CENPP: variants seen among roughly 807,000 people sequenced by gnomAD.
CENPP encodes the protein centromere protein P.
In CENPP, 24 loss-of-function variants were observed where a neutral mutation model predicts 35.6. That is an observed-to-expected ratio of 0.67 (90% CI 0.49 to 0.95). CENPP has a LOEUF of 0.95. CENPP is among the 40% of genes least tolerant of loss of function. CENPP has a pLI of 0.00. For missense variants in CENPP, 332 were observed against 345.3 expected, an observed-to-expected ratio of 0.96 and a Z score of 0.31; for synonymous variants, 120 against 125.5, an observed-to-expected ratio of 0.96 and a Z score of 0.29.
At chr9:92,459,684 T>A in intron 5 of CENPP, 1 of 1,613,256 alleles carries the variant, frequency 6.2e-7, no homozygotes, top group Non-Finnish European at 8.5e-7. Context: ...TAGTTTATTG[T>A]TTTCCAAATG....
At chr9:92,358,099 T>G (rs1841641172) in intron 4 of CENPP, among the ~76,000 whole-genome samples, 1 of 152,100 alleles carries the variant, frequency 6.6e-6, no homozygotes, top group Non-Finnish European at 1.5e-5. Flanking sequence ...TGTTTTATAT[T>G]CATATCTTTC....
chr9:92,505,231 G>A (rs1192805004), intron 5 of CENPP, among the ~76,000 whole-genome samples: 1 of 152,176 alleles, frequency 6.6e-6, no homozygotes, highest in African/African-American at 2.4e-5. Flanking sequence ...TGTCTTGAGA[G>A]TCAGAGTACC....
At chr9:92,521,480 A>C (rs1240634806) in intron 5 of CENPP, among the ~76,000 whole-genome samples, 3 of 152,182 alleles carry the variant, frequency 2.0e-5, no homozygotes, top group African/African-American at 7.2e-5. Context: ...ATTTCTGTTA[A>C]ATACATGGAA....
At position 92,341,067 on chromosome 9, in the gene CENPP, C is replaced by G. The variant is rs1204708222; in HGVS notation, c.378+3438C>G. The stretch of plus-strand genomic sequence containing the variant: ...GGTATAGGATTATAAACAGCCCCCC[C>G]AGGGGCGCCTGTCTCTTATGGTTGA... On this transcript the variant is annotated intron_variant, in intron 3 of 7. Coordinates refer to ENST00000375587, the MANE Select transcript of CENPP (RefSeq NM_001012267.3). Among the ~76,000 whole-genome samples, 4 of 152,144 alleles carry G rather than the reference C, an allele frequency of 2.6e-5. No homozygotes were observed. The South Asian group carries it at 6.2e-4, about 24-fold the overall frequency.
chr9:92,383,056 C>T (rs1025493706), intron 5 of CENPP, among the ~76,000 whole-genome samples: 6 of 151,896 alleles, frequency 4.0e-5, no homozygotes, highest in African/African-American at 7.3e-5. Context: ...CCACCACACC[C>T]GGCTAATTTT....
At chr9:92,500,998 G>C in intron 5 of CENPP, 1 of 1,614,204 alleles carries the variant, frequency 6.2e-7, no homozygotes, top group Non-Finnish European at 8.5e-7. Context: ...GACTTGGGTA[G>C]ATAGGACGGG....
At chr9:92,536,708 G>A (rs1849181015) in intron 5 of CENPP, 1 of 151,990 alleles carries the variant, frequency 6.6e-6, no homozygotes, top group East Asian at 1.9e-4. Context: ...TGTTTATGAG[G>A]GACCTTGAGT....
intron 5 of CENPP, among the ~76,000 whole-genome samples, chr9:92,562,193 CT>C (rs1383748744): frequency 7.1e-6 from 1 of 141,302 alleles, no homozygotes; most frequent in South Asian, 2.3e-4. Flanking sequence ...ACTCAGTTTT[CT>C]TTTTTTTCTT....
At chr9:92,360,889 A>G (rs550610852) in intron 4 of CENPP, among the ~76,000 whole-genome samples, 1 of 151,272 alleles carries the variant, frequency 6.6e-6, no homozygotes, top group African/African-American at 2.4e-5. Context: ...TGTATTTTTT[A>G]GTAGAGACAG....
At chr9:92,375,960 C>A (rs1421571528) in intron 4 of CENPP, among the ~76,000 whole-genome samples, 1 of 150,044 alleles carries the variant, frequency 6.7e-6, no homozygotes. Flanking sequence ...TTATGATGGG[C>A]AAAAAGGAAA....
In CENPP at chr9:92,577,930, C is replaced by A. The variant is rs1055813913; in HGVS notation, c.565-33384C>A. Among the ~76,000 whole-genome samples, 13 of 146,622 alleles carry A rather than the reference C, an allele frequency of 8.9e-5. No homozygotes were observed. In the South Asian group the frequency reaches 2.7e-3, roughly 31 times the overall value. On this transcript the variant is annotated intron_variant, in intron 5 of 7. Coordinates refer to ENST00000375587, the MANE Select transcript of CENPP (RefSeq NM_001012267.3). ...CATCATCTACCATTAGGTATATCTC[C>A]CAATGCTATCCCTCCCCCCTCCCCC...
At chr9:92,395,364 A>G (rs1842852200) in intron 5 of CENPP, among the ~76,000 whole-genome samples, 1 of 152,134 alleles carries the variant, frequency 6.6e-6, no homozygotes, top group African/African-American at 2.4e-5. Context: ...TCAGTAGTTC[A>G]TTCTTCTTTA....
At chr9:92,567,379 T>TAGATAG (rs1000558894) in intron 5 of CENPP, among the ~76,000 whole-genome samples, 3 of 90,456 alleles carry the variant, frequency 3.3e-5, no homozygotes, top group Admixed American at 1.0e-4. Context: ...GATAGATATA[T>TAGATAG]ATATATATAT....
At chr9:92,347,412 A>T (rs1209950088) in intron 4 of CENPP, among the ~76,000 whole-genome samples, 1 of 152,216 alleles carries the variant, frequency 6.6e-6, no homozygotes, top group Non-Finnish European at 1.5e-5. Context: ...AATTTTTTAG[A>T]CTGGGTTCCC....
rs534079743 is a variant in CENPP, at chr9:92,607,035, TGTTA to T, written c.565-4275_565-4272del. On this transcript the variant is annotated intron_variant, in intron 5 of 7. Transcript: ENST00000375587. ...AAAAAGTAAAAACCACCCAAAAGTC[TGTTA>T]GTTGATCATTGGATAAAGAAAATGT... 4.9e-4 allele frequency among the ~76,000 whole-genome samples: 75 copies of T among 152,294 alleles called. No individual in the cohort carries two copies. In the East Asian group the frequency reaches 0.013, roughly 25 times the overall value.
At position 92,567,653 on chromosome 9, in the gene CENPP, G is replaced by T. The variant is rs139346899; in HGVS notation, c.565-43661G>T. On this transcript the variant is annotated intron_variant, in intron 5 of 7. Transcript: ENST00000375587. ...TTTCTACATAATTTAAGAAACTAAT[G>T]TATTTCAAAGAATTTGTAGCTTGTG... Among the ~76,000 whole-genome samples the T allele has an allele frequency of 3.3e-5, 5 of 152,096 alleles. No homozygotes were observed. The East Asian group carries it at 7.7e-4, about 23-fold the overall frequency.
intron 5 of CENPP, among the ~76,000 whole-genome samples, chr9:92,608,273 G>T (rs564454174): frequency 1.3e-5 from 2 of 152,128 alleles, no homozygotes; most frequent in Non-Finnish European, 2.9e-5. Context: ...TCTTGGCCTC[G>T]ATTTTAAATG....
intron 5 of CENPP, among the ~76,000 whole-genome samples, chr9:92,388,392 C>T (rs944693099): frequency 1.3e-5 from 2 of 151,934 alleles, no homozygotes; most frequent in East Asian, 3.9e-4. Context: ...GACCTCCTGA[C>T]CTCAAGTGAT....
intron 5 of CENPP, among the ~76,000 whole-genome samples, chr9:92,393,426 T>C (rs1842769586): frequency 6.6e-6 from 1 of 152,214 alleles, no homozygotes; most frequent in Admixed American, 6.5e-5. Flanking sequence ...ACCAGAATAT[T>C]GTTTGAGAAT....
Sources: allele counts gnomAD v4.1 joint callset (sites outside exome capture counted in the v4.1 genomes callset), GRCh38; gene constraint gnomAD v4.1.1; transcripts MANE v1.5; gene names NCBI Gene and HGNC (gene_info 2026-07-23, HGNC 2026-07-21).